FHIT: variants seen among roughly 807,000 people sequenced by gnomAD.
FHIT encodes the protein fragile histidine triad diadenosine triphosphatase.
FHIT carries 19 observed loss-of-function variants against 17.9 expected under a neutral mutation model. The ratio of observed to expected loss-of-function variants is 1.06; its 90% CI spans 0.74 to 1.56. The LOEUF is 1.56. Among genes scored for constraint, FHIT ranks in the 40% most tolerant of loss-of-function variants. FHIT has a pLI of 0.00. For missense variants in FHIT, 248 were observed against 189.2 expected (o/e 1.31, Z -1.82); for synonymous variants, 81 against 69.7 (o/e 1.16, Z -0.81).
chr3:60,097,832 T>C (rs1000808216), intron 5 of FHIT, among the ~76,000 whole-genome samples: 1 of 148,906 alleles, frequency 6.7e-6, no homozygotes, highest in Non-Finnish European at 1.5e-5. Context: ...TCATTTAGCA[T>C]TAGGTATATC....
At chr3:59,771,520 G>C (rs1055424546) in intron 8 of FHIT, among the ~76,000 whole-genome samples, 1 of 152,214 alleles carries the variant, frequency 6.6e-6, no homozygotes, top group Non-Finnish European at 1.5e-5. Context: ...CCCCCATAGA[G>C]TGTTGTGAAG....
intron 5 of FHIT, among the ~76,000 whole-genome samples, chr3:60,296,526 G>C (rs938764862): frequency 9.9e-5 from 15 of 152,030 alleles, no homozygotes; most frequent in African/African-American, 2.9e-4. Flanking sequence ...GTTGAGTTTT[G>C]CGAGTTCATT....
intron 5 of FHIT, among the ~76,000 whole-genome samples, chr3:60,349,554 A>T (rs1710975203): frequency 6.6e-6 from 1 of 152,302 alleles, no homozygotes; most frequent in Non-Finnish European, 1.5e-5. Context: ...ATAAGCAAAC[A>T]TATTCCAAAA....
At chr3:61,157,761 T>C (rs1277740001) in intron 2 of FHIT, among the ~76,000 whole-genome samples, 1 of 152,148 alleles carries the variant, frequency 6.6e-6, no homozygotes, top group Non-Finnish European at 1.5e-5. Context: ...GAAATGTGTA[T>C]AAGAACATTC....
At chr3:61,036,901 G>GCT (rs2033268054) in intron 3 of FHIT, among the ~76,000 whole-genome samples, 1 of 70,310 alleles carries the variant, frequency 1.4e-5, no homozygotes, top group African/African-American at 3.2e-5. Flanking sequence ...AGTCTGCTTT[G>GCT]TTTTTTTTTT....
chr3:60,152,656 A>T (rs1479022301), intron 5 of FHIT, among the ~76,000 whole-genome samples: 1 of 152,216 alleles, frequency 6.6e-6, no homozygotes, highest in African/African-American at 2.4e-5. Context: ...ACACAAAGAC[A>T]GTTCTCTTAA....
At chr3:60,480,647 A>T (rs1453940431) in intron 5 of FHIT, among the ~76,000 whole-genome samples, 1 of 152,210 alleles carries the variant, frequency 6.6e-6, no homozygotes, top group Admixed American at 6.5e-5. Flanking sequence ...TCCGAAACCC[A>T]GTGAGGCAGT....
At chr3:60,101,277 T>A (rs1704180062) in intron 5 of FHIT, among the ~76,000 whole-genome samples, 1 of 152,246 alleles carries the variant, frequency 6.6e-6, no homozygotes, top group Admixed American at 6.5e-5. Context: ...TAATGTGATG[T>A]GGCACTGTAC....
At chr3:60,634,674 A>G (rs1397184009) in intron 4 of FHIT, among the ~76,000 whole-genome samples, 2 of 152,220 alleles carry the variant, frequency 1.3e-5, no homozygotes, top group African/African-American at 4.8e-5. Flanking sequence ...ACGAGCACCA[A>G]GATGAAAAAA....
chr3:60,608,527 C>A (rs1396054933), intron 4 of FHIT, among the ~76,000 whole-genome samples: 4 of 152,118 alleles, frequency 2.6e-5, no homozygotes, highest in African/African-American at 9.7e-5. Context: ...TGCAGAAGGT[C>A]CAAAGACCCA....
At chr3:60,891,406 C>A (rs1705510823) in intron 3 of FHIT, among the ~76,000 whole-genome samples, 1 of 152,104 alleles carries the variant, frequency 6.6e-6, no homozygotes, top group Admixed American at 6.5e-5. Context: ...GAGATCAAAA[C>A]TTTGAACTCT....
chr3:61,179,707 CAAAAAAAAAAA>C (rs779180597), intron 2 of FHIT, among the ~76,000 whole-genome samples: 1 of 28,994 alleles, frequency 3.4e-5, no homozygotes. Flanking sequence ...GACCCTATCT[CAAAAAAAAAAA>C]AAAAAAAAAA....
intron 4 of FHIT, among the ~76,000 whole-genome samples, chr3:60,744,268 C>CAAAAAAAAAAAAAAA (rs374691493): frequency 1.2e-5 from 1 of 80,086 alleles, no homozygotes; most frequent in Non-Finnish European, 2.4e-5. Flanking sequence ...CAAAACAAAA[C>CAAAAAAAAAAAAAAA]AAAAAAAAAA....
intron 5 of FHIT, among the ~76,000 whole-genome samples, chr3:60,124,558 C>T (rs879781681): frequency 2.0e-5 from 3 of 152,040 alleles, no homozygotes; most frequent in Non-Finnish European, 2.9e-5. Context: ...AGTAGTGCTT[C>T]CCCTTGTTCT....
chr3:60,978,209 T>C (rs1473794227), intron 3 of FHIT, among the ~76,000 whole-genome samples: 2 of 152,112 alleles, frequency 1.3e-5, no homozygotes, highest in Admixed American at 6.5e-5. Flanking sequence ...AGAAGCAGCT[T>C]TGGGGTGGTT....
chr3:60,321,015 A>C (rs535385870), intron 5 of FHIT, among the ~76,000 whole-genome samples: 1 of 152,316 alleles, frequency 6.6e-6, no homozygotes, highest in African/African-American at 2.4e-5. Context: ...GACTGAAGAA[A>C]ACAGTAAAAG....
intron 4 of FHIT, among the ~76,000 whole-genome samples, chr3:60,689,046 G>T (rs1444996709): frequency 6.6e-6 from 1 of 152,050 alleles, no homozygotes; most frequent in African/African-American, 2.4e-5. Flanking sequence ...TTGAATCATG[G>T]GGGGTGGGTC....
At chr3:60,912,663 G>C (rs1341111172) in intron 3 of FHIT, 2 of 449,436 alleles carry the variant, frequency 4.5e-6, no homozygotes, top group African/African-American at 4.1e-5. Flanking sequence ...GATAACTCTA[G>C]ATATTCACTA....
intron 8 of FHIT, among the ~76,000 whole-genome samples, chr3:59,852,068 G>A (rs1283019334): frequency 6.6e-6 from 1 of 152,184 alleles, no homozygotes; most frequent in Non-Finnish European, 1.5e-5. Flanking sequence ...ACATTGAGTA[G>A]TTCTGAAAAT....
Sources: gnomAD v4.1 joint callset for allele counts (sites outside exome capture counted in the v4.1 genomes callset) on GRCh38, gnomAD v4.1.1 for gene constraint, MANE v1.5 for transcripts, NCBI Gene and HGNC (gene_info 2026-07-23, HGNC 2026-07-21) for gene names.